Variants in KCTD19 observed in about 807,000 individuals in gnomAD.
The protein encoded by KCTD19 is potassium channel tetramerization domain containing 19, also known as BTB/POZ domain-containing protein KCTD19.
In KCTD19, 67 loss-of-function variants were observed where a neutral mutation model predicts 103.5. The ratio of observed to expected loss-of-function variants is 0.65; its 90% confidence interval spans 0.53 to 0.79. KCTD19 has a LOEUF of 0.79. Among genes scored for constraint, KCTD19 ranks in the 30% least tolerant of loss-of-function variants. The pLI is 0.00. For missense variants in KCTD19, 980 were observed against 1,136.1 expected, an observed-to-expected ratio of 0.86 and a Z score of 1.98; for synonymous variants, 439 against 452.2, an observed-to-expected ratio of 0.97 and a Z score of 0.37.
chr16:67,313,173 G>A (rs2036966796), intron 2 of KCTD19, among the ~76,000 whole-genome samples: 2 of 151,024 alleles, frequency 1.3e-5, no homozygotes, highest in Non-Finnish European at 2.9e-5. Context: ...GCAGTGGTGC[G>A]ATCTCAGCTC....
intron 4 of KCTD19, chr16:67,302,193 A>T: frequency 2.8e-6 from 1 of 362,164 alleles, no homozygotes; most frequent in Admixed American, 4.1e-5. Flanking sequence ...CCTGGTGGGC[A>T]CACTGGCCCT....
At chr16:67,305,600 C>A (rs1480785499) in intron 2 of KCTD19, 2 of 455,706 alleles carry the variant, frequency 4.4e-6, no homozygotes, top group Non-Finnish European at 8.8e-6. Flanking sequence ...GACCCATTCT[C>A]CCTCAAAAGT....
intron 2 of KCTD19, among the ~76,000 whole-genome samples, chr16:67,309,077 C>T (rs1221925837): frequency 6.8e-6 from 1 of 146,844 alleles, no homozygotes; most frequent in East Asian, 2.0e-4. Flanking sequence ...TTCAGTAAGC[C>T]GAGATCATGC....
chr16:67,319,163 C>T (rs959418658), intron 2 of KCTD19, among the ~76,000 whole-genome samples: 6 of 150,854 alleles, frequency 4.0e-5, no homozygotes, highest in Non-Finnish European at 7.4e-5. Flanking sequence ...GCGGAGGTTG[C>T]AGTGAGCCGA....
chr16:67,297,266 G>C (rs2036774988), intron 7 of KCTD19, among the ~76,000 whole-genome samples: 1 of 152,202 alleles, frequency 6.6e-6, no homozygotes, highest in South Asian at 2.1e-4. Flanking sequence ...TGGGGGTCCT[G>C]CGTGGCCCCA....
intron 8 of KCTD19, 148 bp from the exon 9 acceptor site, chr16:67,295,553 T>C (rs2142503719): frequency 2.7e-6 from 2 of 742,146 alleles, no homozygotes; most frequent in Non-Finnish European, 4.2e-6. Context: ...CAAGGAACCA[T>C]GGTGGGGAGC....
intron 5 of KCTD19, chr16:67,301,385 G>A (rs2036832351): frequency 1.2e-5 from 2 of 161,900 alleles, no homozygotes; most frequent in South Asian, 3.7e-4. Flanking sequence ...CTCCAACCGT[G>A]CCTGGAAGAG....
At chr16:67,291,235 C>T in intron 14 of KCTD19, 74 bp downstream of exon 14, 1 of 1,542,046 alleles carries the variant, frequency 6.5e-7, no homozygotes, top group South Asian at 1.2e-5. Context: ...TTGCCTTGCA[C>T]CACTTATTGT....
rs1361985662 is a variant in KCTD19, at chr16:67,301,860, C to G, written c.706G>C (p.Glu236Gln). The change falls in exon 5 of 16, where the codon GAA becomes CAA. Residue 236 changes from glutamate (E) to glutamine (Q), a missense_variant. Coordinates refer to ENST00000304372, the MANE Select transcript of KCTD19 (RefSeq NM_001100915.3). ...ATTTCCAGAATTTCCACTTCTGCTT[C>G]TAATACATCAATGTTGGAGAAATTA... Reference protein sequence around the residue: ...PDNFSNIDVLEAEVEILEIPA... With the variant: ...PDNFSNIDVLQAEVEILEIPA... 6.2e-7 allele frequency: 1 copy of G among 1,613,244 alleles called. No individual in the cohort carries two copies. Among genetic ancestry groups the G allele is most frequent in the Non-Finnish European group, 8.5e-7 (1 of 1,179,216 alleles).
At chr16:67,296,010 T>C (rs949047583) in intron 8 of KCTD19, 149 bp downstream of exon 8, 24 of 623,012 alleles carry the variant, frequency 3.9e-5, no homozygotes, top group Non-Finnish European at 6.5e-5. Flanking sequence ...CCCAAAGTGC[T>C]GGGATTACAG....
chr16:67,294,246 C>T, intron 11 of KCTD19, 75 bp from the exon 12 acceptor site: 2 of 1,439,224 alleles, frequency 1.4e-6, no homozygotes, highest in Non-Finnish European at 1.9e-6. Flanking sequence ...ATCTAATAAG[C>T]TGGGCCTCCA....
chr16:67,297,980 CG>C (rs2036786663), intron 6 of KCTD19, among the ~76,000 whole-genome samples: 1 of 149,456 alleles, frequency 6.7e-6, no homozygotes, highest in Non-Finnish European at 1.5e-5. Context: ...TTAGTAGAGA[CG>C]GGGTTTCTTT....
At position 67,294,036 on chromosome 16, in the gene KCTD19, A is replaced by G. The variant is rs377568772; in HGVS notation, c.1726T>C (p.Cys576Arg). The change falls in exon 12 of 16, where the codon TGC becomes CGC. Residue 576 changes from cysteine to arginine, a missense_variant. By Grantham distance (180) the Cys-to-Arg change is radical. Coordinates refer to ENST00000304372, the MANE Select transcript of KCTD19 (RefSeq NM_001100915.3). The stretch of plus-strand genomic sequence containing the variant: ...TTGCCAGCCCTCTTGGCATTTCGGC[A>G]TAGGGACACCTGGATGGGCCGAGTG... ...QYTRPIQVSL[C>R]RNAKRAGNPS... 19 of 1,614,080 alleles carry G rather than the reference A, an allele frequency of 1.2e-5. No individual in the cohort carries two copies. The highest frequency in any genetic ancestry group is 1.4e-5 in the Non-Finnish European group (17 of 1,180,040).
intron 2 of KCTD19, among the ~76,000 whole-genome samples, chr16:67,312,716 G>T (rs2036961555): frequency 6.6e-6 from 1 of 152,102 alleles, no homozygotes; most frequent in Non-Finnish European, 1.5e-5. Flanking sequence ...AGAAACAAAG[G>T]AGTTGTCCAT....
At chr16:67,318,086 T>C (rs2037031439) in intron 2 of KCTD19, among the ~76,000 whole-genome samples, 1 of 152,240 alleles carries the variant, frequency 6.6e-6, no homozygotes, top group Non-Finnish European at 1.5e-5. Context: ...ACCATTTCAC[T>C]TGGGCCAACT....
Position 67,301,882 on chromosome 16 carries a change from A to G in KCTD19, c.684T>C (p.Asn228=). The change falls in exon 5 of 16, where the codon AAT becomes AAC. Residue 228 remains asparagine, a synonymous_variant. Transcript: ENST00000304372. ...LRSQKILLPD[N]FSNIDVLEAE... ...CTTCTAATACATCAATGTTGGAGAA[A>G]TTATCCGGTAGTAAAATCTTCTGTG... 3 of 1,613,540 alleles carry G rather than the reference A, an allele frequency of 1.9e-6. No individual in the cohort carries two copies. The highest frequency in any genetic ancestry group is 2.5e-6 in the Non-Finnish European group (3 of 1,179,474).
In KCTD19 at chr16:67,297,491, T is replaced by C; in HGVS notation, c.1147+12A>G. ...TGATGCTAAATTCAAACCTAGAAGCTTTCTCACTTACTGAGCACATCCATG... is the reference window on the plus strand; with the variant it reads ...TGATGCTAAATTCAAACCTAGAAGCCTTCTCACTTACTGAGCACATCCATG... On this transcript the variant is annotated intron_variant, in intron 7 of 15. Coordinates refer to ENST00000304372, the MANE Select transcript of KCTD19 (RefSeq NM_001100915.3). 1 of 1,613,522 alleles carries C rather than the reference T, an allele frequency of 6.2e-7. No individual in the cohort carries two copies. Among genetic ancestry groups the C allele is most frequent in the East Asian group, 2.2e-5 (1 of 44,866 alleles).
At chr16:67,318,557 CAAAA>C (rs764640736) in intron 2 of KCTD19, among the ~76,000 whole-genome samples, 3 of 59,510 alleles carry the variant, frequency 5.0e-5, no homozygotes, top group Non-Finnish European at 8.2e-5. Flanking sequence ...GACTCTATCT[CAAAA>C]AAAAAAAAAA....
At chr16:67,325,810 G>A (rs981826262) in intron 1 of KCTD19, 2 of 152,290 alleles carry the variant, frequency 1.3e-5, no homozygotes, top group East Asian at 1.9e-4. Context: ...TTCAGGAAAC[G>A]GGGTAGCCCT....
Sources: gnomAD v4.1 joint callset for allele counts (sites outside exome capture counted in the v4.1 genomes callset) on GRCh38, gnomAD v4.1.1 for gene constraint, MANE v1.5 for transcripts, NCBI Gene and HGNC (gene_info 2026-07-23, HGNC 2026-07-21) for gene names.